STAG1: variants seen among roughly 807,000 people sequenced by gnomAD.
The protein encoded by STAG1 is STAG1 cohesin complex component.
STAG1 carries 26 observed loss-of-function variants against 170.9 expected under a neutral mutation model. The ratio of observed to expected loss-of-function variants is 0.15; its 90% CI spans 0.11 to 0.21. The LOEUF is 0.21. Among genes scored for constraint, STAG1 ranks in the 10% least tolerant of loss-of-function variants. The pLI, the probability that STAG1 is intolerant of heterozygous loss-of-function variation, is 1.00. For synonymous variants in STAG1, 514 were observed against 497.7 expected (o/e 1.03, Z -0.44); for missense variants, 964 against 1,509.5 (o/e 0.64, Z 5.99).
intron 4 of STAG1, among the ~76,000 whole-genome samples, chr3:136,579,227 C>A (rs1006216110): frequency 6.6e-6 from 1 of 152,200 alleles, no homozygotes; most frequent in Non-Finnish European, 1.5e-5. Flanking sequence ...TTAACAAGAA[C>A]CACTCAAAGC....
chr3:136,705,519 A>G (rs1199061465), intron 1 of STAG1, among the ~76,000 whole-genome samples: 1 of 152,088 alleles, frequency 6.6e-6, no homozygotes. Flanking sequence ...TGTAGCTCCC[A>G]TAATTCCCAT....
At chr3:136,535,410 C>A (rs968654928) in intron 6 of STAG1, among the ~76,000 whole-genome samples, 1 of 152,198 alleles carries the variant, frequency 6.6e-6, no homozygotes, top group Non-Finnish European at 1.5e-5. Context: ...TGCCTGTGAT[C>A]CCAGCACACA....
intron 4 of STAG1, among the ~76,000 whole-genome samples, chr3:136,579,915 G>A (rs1485829630): frequency 6.7e-6 from 1 of 150,032 alleles, no homozygotes; most frequent in East Asian, 1.9e-4. Flanking sequence ...GAAGTGGAGA[G>A]GACAGAACAG....
intron 1 of STAG1, among the ~76,000 whole-genome samples, chr3:136,638,631 G>A (rs568572558): frequency 3.3e-4 from 50 of 152,158 alleles, no homozygotes; most frequent in African/African-American, 8.7e-4. Flanking sequence ...GGCTGGGTGC[G>A]GTAGCTCGCG....
Position 136,338,255 on chromosome 3 carries a change from C to T in STAG1, c.3776G>A (p.Ter1259=), listed in dbSNP as rs1935781971. The change falls in exon 34 of 34, where the codon TGA becomes TAA. Residue 1259 remains the stop codon, a stop_retained_variant. Coordinates refer to ENST00000383202, the MANE Select transcript of STAG1 (RefSeq NM_005862.3). Reference sequence around the variant, plus strand: ...AGATTTGTAAATTTTCTTCAGACTTCAGAACATAGGCATTCCAAATCCCTA... The same window carrying T: ...AGATTTGTAAATTTTCTTCAGACTTTAGAACATAGGCATTCCAAATCCCTA... ...DDSGFGMPMF[*] 6.2e-7 allele frequency: 1 copy of T among 1,603,362 alleles called. No individual in the cohort carries two copies. The highest frequency in any genetic ancestry group is 8.5e-7 in the Non-Finnish European group (1 of 1,171,656).
chr3:136,355,532 C>G (rs895751227), intron 28 of STAG1, among the ~76,000 whole-genome samples: 3 of 151,842 alleles, frequency 2.0e-5, no homozygotes, highest in African/African-American at 7.3e-5. Context: ...TTAACAAGAA[C>G]ACTGAAGACC....
chr3:136,555,754 G>A (rs963866166), intron 5 of STAG1, among the ~76,000 whole-genome samples: 1 of 151,334 alleles, frequency 6.6e-6, no homozygotes, highest in South Asian at 2.1e-4. Context: ...AAAAAAATCA[G>A]TAGCTTGAAA....
chr3:136,378,577 A>T (rs911674851), intron 22 of STAG1, among the ~76,000 whole-genome samples: 2 of 152,186 alleles, frequency 1.3e-5, no homozygotes, highest in African/African-American at 2.4e-5. Flanking sequence ...CTGAGGCAGG[A>T]AGATCACTTG....
chr3:136,536,659 C>T (rs1935642881), intron 6 of STAG1, among the ~76,000 whole-genome samples: 1 of 148,190 alleles, frequency 6.7e-6, no homozygotes. Context: ...CAAGATCACA[C>T]CACTGCACTC....
At chr3:136,701,855 G>GA (rs1251693811) in intron 1 of STAG1, among the ~76,000 whole-genome samples, 2 of 151,916 alleles carry the variant, frequency 1.3e-5, no homozygotes, top group African/African-American at 2.4e-5. Flanking sequence ...ACAGACTAGA[G>GA]AAAAAAATTA....
chr3:136,372,090 T>A (rs1404144738), intron 23 of STAG1, among the ~76,000 whole-genome samples: 2 of 152,298 alleles, frequency 1.3e-5, no homozygotes, highest in East Asian at 3.9e-4. Context: ...TGAGTTGGAT[T>A]CCTAGGTATT....
At chr3:136,523,072 G>A (rs1934774220) in intron 6 of STAG1, among the ~76,000 whole-genome samples, 1 of 152,068 alleles carries the variant, frequency 6.6e-6, no homozygotes, top group South Asian at 2.1e-4. Flanking sequence ...ATAATCCTTT[G>A]GATAGATACC....
intron 1 of STAG1, among the ~76,000 whole-genome samples, chr3:136,676,377 CT>C (rs1576750608): frequency 2.0e-5 from 3 of 152,292 alleles, no homozygotes; most frequent in East Asian, 3.9e-4. Flanking sequence ...GAACTTTTTA[CT>C]TTTTAAACTT....
intron 7 of STAG1, among the ~76,000 whole-genome samples, chr3:136,513,119 G>A (rs1934158892): frequency 6.6e-6 from 1 of 152,126 alleles, no homozygotes; most frequent in Non-Finnish European, 1.5e-5. Context: ...CCTTTGGGAG[G>A]CCGAGGCAGG....
intron 2 of STAG1, among the ~76,000 whole-genome samples, chr3:136,624,807 A>G (rs535036980): frequency 3.3e-4 from 51 of 152,322 alleles, no homozygotes; most frequent in Non-Finnish European, 6.2e-4. Flanking sequence ...GGCATAACCA[A>G]AGTGAGGTGG....
intron 21 of STAG1, among the ~76,000 whole-genome samples, chr3:136,406,089 A>T (rs1032892951): frequency 6.6e-6 from 1 of 152,212 alleles, no homozygotes; most frequent in East Asian, 1.9e-4. Context: ...ATTTGCATAC[A>T]AATGTTCATG....
intron 9 of STAG1, among the ~76,000 whole-genome samples, chr3:136,494,709 A>G (rs1932981196): frequency 6.6e-6 from 1 of 152,228 alleles, no homozygotes; most frequent in African/African-American, 2.4e-5. Context: ...AACAGAAAAA[A>G]TAAAGAAATA....
chr3:136,421,623 C>A (rs978515389), intron 19 of STAG1, among the ~76,000 whole-genome samples: 4 of 151,752 alleles, frequency 2.6e-5, no homozygotes, highest in African/African-American at 9.7e-5. Flanking sequence ...TTCCAGACTG[C>A]CTTATATAGA....
intron 21 of STAG1, chr3:136,417,565 C>G (rs1011738207): frequency 4.1e-6 from 1 of 242,002 alleles, no homozygotes; most frequent in African/African-American, 2.3e-5. Flanking sequence ...CTGGAATATA[C>G]CCATCATCAA....
Sources: gnomAD v4.1 joint callset for allele counts (sites outside exome capture counted in the v4.1 genomes callset) on GRCh38, gnomAD v4.1.1 for gene constraint, MANE v1.5 for transcripts, NCBI Gene and HGNC (gene_info 2026-07-23, HGNC 2026-07-21) for gene names.